TNFRSF11A: variants seen among roughly 807,000 people sequenced by gnomAD.
TNFRSF11A encodes the protein TNF receptor superfamily member 11a.
A neutral mutation model predicts 55.7 loss-of-function variants in TNFRSF11A; 32 were observed. The ratio of observed to expected loss-of-function variants is 0.57; its 90% CI spans 0.43 to 0.77. The LOEUF (loss-of-function observed/expected upper bound fraction) is 0.77, where lower values mean the gene tolerates loss of function less well. TNFRSF11A is among the 30% of genes least tolerant of loss of function. The probability of loss-of-function intolerance (pLI) is 0.00; values close to 1 mark genes in which losing one functional copy is unlikely to be tolerated. For synonymous variants in TNFRSF11A, 311 were observed against 331.0 expected (o/e 0.94, Z 0.65); for missense variants, 753 against 809.8 (o/e 0.93, Z 0.85).
intron 1 of TNFRSF11A, among the ~76,000 whole-genome samples, chr18:62,333,175 G>C (rs1480910330): frequency 6.6e-6 from 1 of 152,188 alleles, no homozygotes; most frequent in Non-Finnish European, 1.5e-5. Context: ...CTGGAGGCCT[G>C]GATCACAAAG....
At position 62,369,155 on chromosome 18, in the gene TNFRSF11A, G is replaced by A; in HGVS notation, c.1238G>A (p.Trp413Ter). 6.2e-7 allele frequency: 1 copy of A among 1,614,100 alleles called. No homozygotes were observed. The highest frequency in any genetic ancestry group is 1.1e-5 in the South Asian group (1 of 91,088). ...NCTEPLCRTDWTPMSSENYLQ... is the reference protein window; with the variant it reads ...NCTEPLCRTD ...ACTGAGCCCCTGTGCAGGACTGATT[G>A]GACTCCCATGTCCTCTGAAAACTAC... The change falls in exon 9 of 10, where the codon TGG becomes TAG. Residue 413 changes from tryptophan to a stop codon, truncating the protein, a stop_gained. Transcript: ENST00000586569. LOFTEE classifies it high-confidence loss of function.
rs1159684133 is a variant in TNFRSF11A at position 62,368,592 on chromosome 18, G to T, written c.784-109G>T. 1.0e-5 allele frequency: 12 copies of T among 1,168,976 alleles called. No homozygotes were observed. The Admixed American group carries it at 2.0e-4, about 19-fold the overall frequency. 72.4% of individuals were successfully genotyped at this position (1,168,976 alleles called of 1,614,324 possible). A position where few individuals can be genotyped will look rare whatever the true frequency, so the allele number is the denominator to read the frequency against. On this transcript the variant is annotated intron_variant, in intron 8 of 9. Coordinates refer to ENST00000586569, the MANE Select transcript of TNFRSF11A (RefSeq NM_003839.4). ...CATAGTCAGTTTTCCATCTGTACTT[G>T]TTATGGTGGAAATAATCAGTGTAAA...
At chr18:62,335,145 T>G (rs1260034198) in intron 1 of TNFRSF11A, among the ~76,000 whole-genome samples, 3 of 132,378 alleles carry the variant, frequency 2.3e-5, no homozygotes, top group Admixed American at 1.5e-4. Context: ...TTTTTTTTTT[T>G]GTTACCCAGG....
intron 4 of TNFRSF11A, 31 bp downstream of exon 4, chr18:62,354,565 C>T (rs752147945): frequency 6.2e-7 from 1 of 1,600,718 alleles, no homozygotes; most frequent in South Asian, 1.1e-5. Context: ...TCTGTCGGCT[C>T]TTGCTGAGCC....
intron 1 of TNFRSF11A, among the ~76,000 whole-genome samples, chr18:62,327,923 T>G (rs1003246208): frequency 6.6e-6 from 1 of 152,252 alleles, no homozygotes; most frequent in African/African-American, 2.4e-5. Context: ...TGAATTTTTA[T>G]GTAGCTAGTC....
chr18:62,360,007 G>A lies in TNFRSF11A; in HGVS notation c.574G>A (p.Ala192Thr), dbSNP rs201107799. Residue 192 changes from alanine to threonine, a missense_variant, in exon 6 of 10, where the codon GCG becomes ACG. This residue lies in a region of TNFRSF11A where 567 missense variants were observed against 596.7 expected (regional missense o/e 0.95). Coordinates refer to ENST00000586569, the MANE Select transcript of TNFRSF11A (RefSeq NM_003839.4). ...ACATCATGGGACAGAGAAATCCGATGCGGTTTGCAGTTCTTCTCTGCCAGC... is the reference window on the plus strand; with the variant it reads ...ACATCATGGGACAGAGAAATCCGATACGGTTTGCAGTTCTTCTCTGCCAGC... Reference protein sequence around the residue: ...VEHHGTEKSDAVCSSSLPARK... With the variant: ...VEHHGTEKSDTVCSSSLPARK... 4 of 1,614,070 alleles carry A rather than the reference G, an allele frequency of 2.5e-6. No individual in the cohort carries two copies. In the East Asian group the frequency reaches 6.7e-5, roughly 27 times the overall value.
intron 7 of TNFRSF11A, among the ~76,000 whole-genome samples, chr18:62,363,514 A>ATT (rs1464183529): frequency 6.6e-6 from 1 of 151,722 alleles, no homozygotes; most frequent in Non-Finnish European, 1.5e-5. Context: ...GATTACGGGC[A>ATT]TTTGCCACCA....
At chr18:62,344,803 G>A (rs192349402) in intron 1 of TNFRSF11A, among the ~76,000 whole-genome samples, 2 of 152,324 alleles carry the variant, frequency 1.3e-5, no homozygotes, top group Admixed American at 1.3e-4. Flanking sequence ...GGTCAGACTG[G>A]GAGGGGCAGG....
chr18:62,385,692 A>T lies in TNFRSF11A; in HGVS notation c.*658A>T, dbSNP rs980310126. On this transcript the variant is annotated 3_prime_UTR_variant, in exon 10 of 10. Coordinates refer to ENST00000586569, the MANE Select transcript of TNFRSF11A (RefSeq NM_003839.4). ...CCCAGAGACACGGTCCCACCATGTT[A>T]CCCAGCCTGGTCTCAAACTCCCCAG... 7.5e-6 allele frequency: 1 copy of T among 133,124 alleles called. No homozygotes were observed. The highest frequency in any genetic ancestry group is 1.6e-5 in the Non-Finnish European group (1 of 62,242). The allele number at this position is 133,124 out of a possible 1,614,324, so 8.2% of individuals were successfully genotyped here. A position where few individuals can be genotyped will look rare whatever the true frequency, so the allele number is the denominator to read the frequency against.
At chr18:62,375,228 C>T (rs1003530952) in intron 9 of TNFRSF11A, among the ~76,000 whole-genome samples, 1 of 151,876 alleles carries the variant, frequency 6.6e-6, no homozygotes, top group Non-Finnish European at 1.5e-5. Flanking sequence ...GACAGCCAAG[C>T]CCAGGAGGTC....
intron 9 of TNFRSF11A, among the ~76,000 whole-genome samples, chr18:62,370,348 C>A (rs1003985523): frequency 6.6e-6 from 1 of 152,158 alleles, no homozygotes; most frequent in African/African-American, 2.4e-5. Context: ...TCCAGAAAAA[C>A]GAATATATGG....
At position 62,386,096 on chromosome 18, in the gene TNFRSF11A, G is replaced by T. The variant is rs1911714862; in HGVS notation, c.*1062G>T. 6.6e-6 allele frequency: 1 copy of T among 152,130 alleles called. No homozygotes were observed. Among genetic ancestry groups the T allele is most frequent in the Non-Finnish European group, 1.5e-5 (1 of 68,030 alleles). The allele number at this position is 152,130 out of a possible 1,614,324, so 9.4% of individuals were successfully genotyped here. On this transcript the variant is annotated 3_prime_UTR_variant, in exon 10 of 10. Transcript: ENST00000586569. Reference sequence around the variant, plus strand: ...GCTAGGTGGTTAATTTATCCATGCTGGCAGAGGCACTCAGGTACTTGGTAA... The same window carrying T: ...GCTAGGTGGTTAATTTATCCATGCTTGCAGAGGCACTCAGGTACTTGGTAA...
intron 1 of TNFRSF11A, among the ~76,000 whole-genome samples, chr18:62,341,920 C>T (rs138594170): frequency 4.1e-5 from 6 of 144,930 alleles, no homozygotes; most frequent in Non-Finnish European, 8.9e-5. Flanking sequence ...TTCTTCTCTC[C>T]GGGTCAAACT....
intron 1 of TNFRSF11A, among the ~76,000 whole-genome samples, chr18:62,346,814 T>A (rs1236269665): frequency 6.6e-6 from 1 of 152,188 alleles, no homozygotes; most frequent in Non-Finnish European, 1.5e-5. Context: ...AGCCATATTA[T>A]CTCTGCGCCC....
At chr18:62,351,130 G>C (rs1042555459) in intron 3 of TNFRSF11A, among the ~76,000 whole-genome samples, 4 of 150,406 alleles carry the variant, frequency 2.7e-5, no homozygotes, top group African/African-American at 9.8e-5. Flanking sequence ...AGCCTCCCCA[G>C]TAGCTGGGAT....
At chr18:62,334,775 G>T (rs980787386) in intron 1 of TNFRSF11A, among the ~76,000 whole-genome samples, 2 of 152,060 alleles carry the variant, frequency 1.3e-5, no homozygotes, top group Non-Finnish European at 2.9e-5. Flanking sequence ...TAAGAAAGAG[G>T]GTCAGAACAC....
At position 62,385,804 on chromosome 18, in the gene TNFRSF11A, T is replaced by C. The variant is rs1286813063; in HGVS notation, c.*770T>C. ...GCTGGCCTGCTTTACGTATTTTCTT[T>C]TGTGCCCCTGCTCACAGTGTTTTAG... On this transcript the variant is annotated 3_prime_UTR_variant, in exon 10 of 10. Coordinates refer to ENST00000586569, the MANE Select transcript of TNFRSF11A (RefSeq NM_003839.4). The C allele has an allele frequency of 8.5e-5, 13 of 152,260 alleles. No homozygotes were observed. In the East Asian group the frequency reaches 2.5e-3, roughly 29 times the overall value. The allele number at this position is 152,260 out of a possible 1,614,324, so 9.4% of individuals were successfully genotyped here.
At chr18:62,362,490 C>CAAAAA (rs57219485) in intron 7 of TNFRSF11A, among the ~76,000 whole-genome samples, 30 of 75,860 alleles carry the variant, frequency 4.0e-4, no homozygotes, top group East Asian at 1.6e-3. Context: ...AACTTCATCT[C>CAAAAA]AAAAAAAAAA....
At position 62,361,786 on chromosome 18, in the gene TNFRSF11A, A is replaced by G. The variant is rs759421031; in HGVS notation, c.723A>G (p.Ala241=). ...TTTGCTATAGGAAAAAAGGGAAAGC[A>G]CTCACAGGTATTGTGTCTATGGTGG... ...FGVCYRKKGK[A]LTANLWHWIN... is the part of the protein sequence containing the mutation. Residue 241 remains alanine (A), a synonymous_variant, in exon 7 of 10, where the codon GCA becomes GCG. Transcript: ENST00000586569. 6 of 1,613,574 alleles carry G rather than the reference A, an allele frequency of 3.7e-6. No homozygotes were observed. The South Asian group carries it at 6.6e-5, about 18-fold the overall frequency.
Sources: gnomAD v4.1 joint callset for allele counts (sites outside exome capture counted in the v4.1 genomes callset) on GRCh38, gnomAD v4.1.1 for gene constraint, gnomAD v4.1.1 regional missense constraint, MANE v1.5 for transcripts, NCBI Gene and HGNC (gene_info 2026-07-23, HGNC 2026-07-21) for gene names.